Variants in LPA observed in about 807,000 individuals in gnomAD.
LPA encodes the protein lipoprotein(a), also known as apolipoprotein(a).
In LPA, 199 loss-of-function variants were observed where a neutral mutation model predicts 197.9. That is an observed-to-expected ratio of 1.01 (90% CI 0.90 to 1.13). The LOEUF (loss-of-function observed/expected upper bound fraction) is 1.13. Among genes scored for constraint, LPA ranks in the 50% most tolerant of loss-of-function variants. The probability of loss-of-function intolerance (pLI) is 0.00; values close to 1 mark genes in which losing one functional copy is unlikely to be tolerated. For missense variants in LPA, 1,853 were observed against 1,785.8 expected, an observed-to-expected ratio of 1.04 and a Z score of -0.68; for synonymous variants, 715 against 639.5, an observed-to-expected ratio of 1.12 and a Z score of -1.78.
chr6:160,593,885 T>C, intron 22 of LPA, 73 bp downstream of exon 22: 1 of 1,574,734 alleles, frequency 6.4e-7, no homozygotes, highest in Non-Finnish European at 8.7e-7. Context: ...AAGAAGTTAG[T>C]TGGAAGCATG....
In LPA at chr6:160,579,340, G is replaced by C. The variant is rs1778746866; in HGVS notation, c.4290-636C>G. Reference sequence around the variant, plus strand: ...GTTTGGGTCTACAGGACTTATAAAAGCTTCCCTGGAAAACTAGCTCCCAGG... The same window carrying C: ...GTTTGGGTCTACAGGACTTATAAAACCTTCCCTGGAAAACTAGCTCCCAGG... On this transcript the variant is annotated intron_variant, in intron 26 of 38. Coordinates refer to ENST00000316300, the MANE Select transcript of LPA (RefSeq NM_005577.4). Among the ~76,000 whole-genome samples, 5 of 152,128 alleles carry C rather than the reference G, an allele frequency of 3.3e-5. No individual in the cohort carries two copies. In the South Asian group the frequency reaches 6.2e-4, roughly 19 times the overall value.
In LPA at chr6:160,650,335, T is replaced by C. The variant is rs1166444058; in HGVS notation, c.209+3A>G. On this transcript the variant is annotated splice_donor_region_variant and intron_variant, in intron 2 of 38. Coordinates refer to ENST00000316300, the MANE Select transcript of LPA (RefSeq NM_005577.4). The stretch of plus-strand genomic sequence containing the variant: ...TTTGCTTACTGTAAGATTAATGACA[T>C]ACGCATTTGGGTAGTTTTCTGTGGT... The C allele has an allele frequency of 6.2e-7, 1 of 1,613,158 alleles. No homozygotes were observed. Among genetic ancestry groups the C allele is most frequent in the Non-Finnish European group, 8.5e-7 (1 of 1,179,562 alleles).
rs1288353670 is a variant in LPA at position 160,593,957 on chromosome 6, C to G, written c.3629+1G>C. 8 of 1,613,470 alleles carry G rather than the reference C, an allele frequency of 5.0e-6. No individual in the cohort carries two copies. In the African/African-American group the frequency reaches 6.7e-5, roughly 13 times the overall value. Reference sequence around the variant, plus strand: ...TCTTTGAAGAAAACTCAAGGTTGTACCCATTTGGATAATATTCTGTTGTCC... The same window carrying G: ...TCTTTGAAGAAAACTCAAGGTTGTAGCCATTTGGATAATATTCTGTTGTCC... On this transcript the variant is annotated splice_donor_variant, in intron 22 of 38. Transcript: ENST00000316300. LOFTEE classifies it high-confidence loss of function.
intron 16 of LPA, among the ~76,000 whole-genome samples, chr6:160,608,571 C>A (rs1779410290): frequency 6.6e-6 from 1 of 152,098 alleles, no homozygotes; most frequent in Non-Finnish European, 1.5e-5. Context: ...TACAAAAGTG[C>A]ATCATACCAG....
rs537744381 is a variant in LPA, at chr6:160,533,494, C to T, written c.5843-845G>A. Among the ~76,000 whole-genome samples the T allele has an allele frequency of 1.6e-4, 24 of 152,316 alleles. 1 individual carries two copies. In the South Asian group the frequency reaches 4.8e-3, roughly 30 times the overall value. The stretch of plus-strand genomic sequence containing the variant: ...AGTCGCTGCCCAAATGCTTCCTCCC[C>T]ATGCGTGTTGGCCCCACTCTTGCTT... On this transcript the variant is annotated intron_variant, in intron 37 of 38. Coordinates refer to ENST00000316300, the MANE Select transcript of LPA (RefSeq NM_005577.4).
chr6:160,591,326 CA>C (rs1399103308), intron 22 of LPA, among the ~76,000 whole-genome samples: 2 of 152,162 alleles, frequency 1.3e-5, no homozygotes, highest in Non-Finnish European at 2.9e-5. Context: ...GTCTATACTC[CA>C]TAAGAAAACC....
chr6:160,649,187 T>C (rs1703633179), intron 2 of LPA, among the ~76,000 whole-genome samples: 1 of 152,160 alleles, frequency 6.6e-6, no homozygotes, highest in Admixed American at 6.6e-5. Context: ...TTTTCCTGGG[T>C]CTCTACTGAA....
At chr6:160,641,032 C>T (rs1237536355) in intron 4 of LPA, among the ~76,000 whole-genome samples, 184 bp from the exon 5 acceptor site, 1 of 138,390 alleles carries the variant, frequency 7.2e-6, no homozygotes, top group Non-Finnish European at 1.6e-5. Flanking sequence ...GCACATCTCT[C>T]ATACTTAATA....
intron 2 of LPA, 111 bp downstream of exon 2, chr6:160,650,227 C>A: frequency 1.0e-6 from 1 of 1,003,774 alleles, no homozygotes; most frequent in Non-Finnish European, 1.6e-6. Context: ...TTTTGCCATG[C>A]ATTCTATGTG....
chr6:160,541,650 G>A (rs1387491217), intron 34 of LPA, among the ~76,000 whole-genome samples: 4 of 152,174 alleles, frequency 2.6e-5, no homozygotes, highest in Non-Finnish European at 4.4e-5. Context: ...TTTACTTTTG[G>A]GGGATGTTTC....
At chr6:160,587,751 TTGTGTGTGTGTGTGTGTGTGTGTG>T (rs67979615) in intron 24 of LPA, among the ~76,000 whole-genome samples, 1 of 125,382 alleles carries the variant, frequency 8.0e-6, no homozygotes, top group African/African-American at 3.1e-5. Flanking sequence ...GGTTCAGTCT[TTGTGTGTGTGTGTGTGTGTGTGTG>T]TGTGTGTGTG....
At chr6:160,571,153 C>T (rs1443062250) in intron 28 of LPA, among the ~76,000 whole-genome samples, 2 of 152,036 alleles carry the variant, frequency 1.3e-5, no homozygotes, top group South Asian at 2.1e-4. Context: ...TCCACTTGAT[C>T]GATTTTGCTA....
intron 1 of LPA, among the ~76,000 whole-genome samples, chr6:160,653,977 A>AT (rs1780059122): frequency 4.4e-5 from 1 of 22,854 alleles, no homozygotes; most frequent in African/African-American, 1.8e-4. Flanking sequence ...TATATATAAT[A>AT]TATAATATAT....
At position 160,531,739 on chromosome 6, in the gene LPA, C is replaced by A. The variant is rs1777809290; in HGVS notation, c.6113G>T (p.Arg2038Ile). The A allele has an allele frequency of 6.2e-7, 1 of 1,614,046 alleles. No homozygotes were observed. Among genetic ancestry groups the A allele is most frequent in the East Asian group, 2.2e-5 (1 of 44,872 alleles). The change falls in exon 39 of 39, where the codon AGA becomes ATA. Residue 2038 changes from arginine (R) to isoleucine (I), a missense_variant. Around this residue, in one of 3 missense-constraint regions of LPA, gnomAD observed 1,737 missense variants for 1,504.4 expected, o/e 1.15. Coordinates refer to ENST00000316300, the MANE Select transcript of LPA (RefSeq NM_005577.4). ...RFVTWIEGMMRNN is the reference protein window; with the variant it reads ...RFVTWIEGMMINN ...CTGTCTCCCGTCCAATTAATTATTTCTCATCATTCCCTCAATCCAAGTAAC... is the reference window on the plus strand; with the variant it reads ...CTGTCTCCCGTCCAATTAATTATTTATCATCATTCCCTCAATCCAAGTAAC...
intron 16 of LPA, among the ~76,000 whole-genome samples, chr6:160,608,152 C>T (rs1162931310): frequency 6.6e-6 from 1 of 152,106 alleles, no homozygotes; most frequent in African/African-American, 2.4e-5. Flanking sequence ...TCTACATTTG[C>T]CAATTGCTGG....
At chr6:160,563,116 A>G (rs1299419675) in intron 28 of LPA, among the ~76,000 whole-genome samples, 3 of 151,764 alleles carry the variant, frequency 2.0e-5, no homozygotes, top group Non-Finnish European at 4.4e-5. Context: ...TAGCTTTTGT[A>G]TTTGTTTGCT....
Position 160,559,829 on chromosome 6 carries a change from T to A in LPA, c.4632-2258A>T, listed in dbSNP as rs576517377. 4.6e-5 allele frequency among the ~76,000 whole-genome samples: 7 copies of A among 152,332 alleles called. No individual in the cohort carries two copies. The South Asian group carries it at 1.5e-3, about 32-fold the overall frequency. ...ATTATACTTTAAGTTCTGAGATACA[T>A]GTGTAGAATGTGTGGGTTTGTTACA... On this transcript the variant is annotated intron_variant, in intron 28 of 38. Transcript: ENST00000316300.
chr6:160,569,004 C>T (rs1173781205), intron 28 of LPA, among the ~76,000 whole-genome samples: 1 of 152,192 alleles, frequency 6.6e-6, no homozygotes, highest in Non-Finnish European at 1.5e-5. Context: ...AATGGAAGAA[C>T]ATTCCATGCT....
At chr6:160,649,256 T>A (rs1582898749) in intron 2 of LPA, among the ~76,000 whole-genome samples, 1 of 152,178 alleles carries the variant, frequency 6.6e-6, no homozygotes, top group Non-Finnish European at 1.5e-5. Context: ...CAATATCCCT[T>A]AGTGCTATTT....
Sources: allele counts gnomAD v4.1 joint callset (sites outside exome capture counted in the v4.1 genomes callset), GRCh38; gene constraint gnomAD v4.1.1; regional missense constraint gnomAD v4.1.1; transcripts MANE v1.5; gene names NCBI Gene and HGNC (gene_info 2026-07-23, HGNC 2026-07-21).